PVT1: variants seen among roughly 807,000 people sequenced by gnomAD.
The protein encoded by PVT1 is Pvt1 oncogene, also known as CXCR4/PVT1 fusion.
chr8:127,944,089 G>A (rs6987526), intron 3 of PVT1, among the ~76,000 whole-genome samples: 6,484 of 152,224 alleles, frequency 0.043, 258 homozygotes, highest in African/African-American at 0.1. Context: ...CCTTGTTCAA[G>A]GTTCAGTTGA....
At chr8:127,906,809 G>A (rs1000964871) in intron 3 of PVT1, among the ~76,000 whole-genome samples, 2 of 152,110 alleles carry the variant, frequency 1.3e-5, no homozygotes, top group African/African-American at 2.4e-5. Flanking sequence ...CTATGTGCCA[G>A]GATTTAAATA....
intron 3 of PVT1, among the ~76,000 whole-genome samples, chr8:127,928,848 A>G (rs1447539017): frequency 6.6e-6 from 1 of 152,198 alleles, no homozygotes; most frequent in Admixed American, 6.5e-5. Context: ...CTTTAAATAG[A>G]TGGGCTCTGG....
intron 3 of PVT1, among the ~76,000 whole-genome samples, chr8:127,918,014 G>A (rs1386610916): frequency 2.0e-5 from 3 of 152,266 alleles, no homozygotes; most frequent in East Asian, 1.9e-4. Context: ...GAAAGACTGC[G>A]TGTAAGAGTG....
At chr8:127,883,880 G>A (rs536410698) in intron 2 of PVT1, among the ~76,000 whole-genome samples, 11 of 152,208 alleles carry the variant, frequency 7.2e-5, no homozygotes, top group Non-Finnish European at 8.8e-5. Context: ...GCAGTGGGGC[G>A]TGAGAATACG....
chr8:127,821,628 G>A (rs980869739), intron 2 of PVT1, among the ~76,000 whole-genome samples: 2 of 152,046 alleles, frequency 1.3e-5, no homozygotes, highest in Non-Finnish European at 2.9e-5. Flanking sequence ...GGCTAACACG[G>A]TGAAACCTCA....
chr8:128,004,204 C>T (rs575582017), intron 4 of PVT1, among the ~76,000 whole-genome samples: 46 of 152,234 alleles, frequency 3.0e-4, no homozygotes, highest in Admixed American at 1.9e-3. Flanking sequence ...CACAGCAGGC[C>T]GCAACTACTG....
chr8:127,827,276 G>A (rs1007204741), intron 2 of PVT1, among the ~76,000 whole-genome samples: 3 of 152,060 alleles, frequency 2.0e-5, no homozygotes, highest in Non-Finnish European at 2.9e-5. Flanking sequence ...GATTACAGGC[G>A]TGAGCCACCA....
At chr8:127,837,135 C>T (rs930031064) in intron 2 of PVT1, among the ~76,000 whole-genome samples, 1 of 152,208 alleles carries the variant, frequency 6.6e-6, no homozygotes, top group African/African-American at 2.4e-5. Flanking sequence ...CCCCACGCCC[C>T]TTCAGCCATA....
chr8:127,939,682 T>G (rs1816324779), intron 3 of PVT1: 1 of 152,200 alleles, frequency 6.6e-6, no homozygotes, highest in African/African-American at 2.4e-5. Context: ...GAGAGGTAAG[T>G]GGCTTACCTG....
intron 2 of PVT1, among the ~76,000 whole-genome samples, chr8:127,812,507 C>T (rs1239057647): frequency 6.6e-6 from 1 of 151,144 alleles, no homozygotes; most frequent in Non-Finnish European, 1.5e-5. Context: ...CTGCAGTGAC[C>T]TATGTTCCCA....
intron 3 of PVT1, among the ~76,000 whole-genome samples, chr8:127,912,460 G>A (rs1163726234): frequency 6.6e-6 from 1 of 152,132 alleles, no homozygotes; most frequent in Non-Finnish European, 1.5e-5. Context: ...CAGGGAGAGA[G>A]CATAATCCTA....
chr8:128,036,357 C>T (rs1298608457), intron 4 of PVT1, among the ~76,000 whole-genome samples: 1 of 152,222 alleles, frequency 6.6e-6, no homozygotes, highest in Non-Finnish European at 1.5e-5. Flanking sequence ...CCAGCACCTT[C>T]CTCCCGTGCC....
chr8:127,930,665 ACCAGTT>A (rs1401387094), intron 3 of PVT1, among the ~76,000 whole-genome samples: 1 of 152,116 alleles, frequency 6.6e-6, no homozygotes, highest in Non-Finnish European at 1.5e-5. Context: ...GTGTAAAGGT[ACCAGTT>A]CCTGGGGCGT....
At chr8:127,973,290 G>T (rs537315871) in intron 3 of PVT1, among the ~76,000 whole-genome samples, 31 of 152,224 alleles carry the variant, frequency 2.0e-4, no homozygotes, top group Admixed American at 1.4e-3. Flanking sequence ...AATGACAGGG[G>T]TACATAGGAA....
chr8:128,097,274 T>A (rs1045775793), intron 6 of PVT1, among the ~76,000 whole-genome samples: 1 of 152,070 alleles, frequency 6.6e-6, no homozygotes, highest in Non-Finnish European at 1.5e-5. Context: ...GGCAGGAGAA[T>A]CACTTGAACC....
At chr8:128,030,978 C>T (rs1304952200) in intron 4 of PVT1, among the ~76,000 whole-genome samples, 1 of 152,210 alleles carries the variant, frequency 6.6e-6, no homozygotes, top group African/African-American at 2.4e-5. Flanking sequence ...CAGCGCCCTC[C>T]CTATGAAGCT....
At chr8:127,856,961 C>A (rs896361254) in intron 2 of PVT1, among the ~76,000 whole-genome samples, 1 of 152,180 alleles carries the variant, frequency 6.6e-6, no homozygotes, top group Admixed American at 6.5e-5. Flanking sequence ...CGAGGTGGCT[C>A]ATGCCTGTAA....
intron 3 of PVT1, among the ~76,000 whole-genome samples, chr8:127,965,417 G>A (rs552152686): frequency 6.6e-6 from 1 of 152,264 alleles, no homozygotes; most frequent in East Asian, 1.9e-4. Context: ...TTTACCATGG[G>A]GCTGGACAGT....
chr8:127,929,889 A>G (rs1816182597), intron 3 of PVT1, among the ~76,000 whole-genome samples: 1 of 152,264 alleles, frequency 6.6e-6, no homozygotes, highest in South Asian at 2.1e-4. Flanking sequence ...GACAATTGTC[A>G]AACCTTGGAT....
Sources: gnomAD v4.1 joint callset for allele counts (sites outside exome capture counted in the v4.1 genomes callset) on GRCh38, gnomAD v4.1.1 for gene constraint, MANE v1.5 for transcripts, NCBI Gene and HGNC (gene_info 2026-07-23, HGNC 2026-07-21) for gene names.